Variants in DLG2 observed in about 807,000 individuals in gnomAD.
The protein encoded by DLG2 is discs large MAGUK scaffold protein 2, also known as disks large homolog 2.
Under a neutral mutation model 132.5 loss-of-function variants are expected in DLG2, and 45 were observed. That is an observed-to-expected ratio of 0.34 (90% CI 0.27 to 0.44). DLG2 has a LOEUF of 0.44. Among genes scored for constraint, DLG2 ranks in the 20% least tolerant of loss-of-function variants. The probability of loss-of-function intolerance (pLI) is 1.00; values close to 1 mark genes in which losing one functional copy is unlikely to be tolerated. For synonymous variants in DLG2, 424 were observed against 419.6 expected, an observed-to-expected ratio of 1.01 and a Z score of -0.13; for missense variants, 1,045 against 1,196.9, an observed-to-expected ratio of 0.87 and a Z score of 1.87.
intron 8 of DLG2, among the ~76,000 whole-genome samples, chr11:84,169,455 C>A (rs2095760644): frequency 6.6e-6 from 1 of 152,162 alleles, no homozygotes; most frequent in East Asian, 1.9e-4. Flanking sequence ...TTGTCTTTTT[C>A]TATATATCCA....
intron 3 of DLG2, among the ~76,000 whole-genome samples, chr11:85,543,573 C>A (rs1386489719): frequency 6.6e-6 from 1 of 152,154 alleles, no homozygotes; most frequent in Non-Finnish European, 1.5e-5. Context: ...CTGTCTTCCA[C>A]AATGGTTGAA....
In DLG2 at chr11:85,540,545, A is replaced by G. The variant is rs114232033; in HGVS notation, c.40+58112T>C. Among the ~76,000 whole-genome samples, 857 of 152,250 alleles carry G rather than the reference A, an allele frequency of 5.6e-3. 5 individuals are homozygous for G. The highest frequency in any genetic ancestry group is 0.019 in the African/African-American group (795 of 41,550). On this transcript the variant is annotated intron_variant, in intron 3 of 27. Transcript: ENST00000376104. ...ACTGAGAGCTACTTCCAATCAATAA[A>G]ACTTTGCAGCCATCCTCCAAGCCCA...
At chr11:83,869,408 A>G (rs1314872563) in intron 16 of DLG2, among the ~76,000 whole-genome samples, 1 of 152,182 alleles carries the variant, frequency 6.6e-6, no homozygotes, top group Non-Finnish European at 1.5e-5. Context: ...TGGAAAGGAT[A>G]CCTGAGCTCA....
In DLG2 at chr11:83,555,857, A is replaced by C. The variant is rs547928316; in HGVS notation, c.1941-13999T>G. Among the ~76,000 whole-genome samples the C allele has an allele frequency of 8.9e-4, 135 of 152,324 alleles. 1 individual carries two copies. The South Asian group carries it at 8.9e-3, about 10-fold the overall frequency. ...CTTTTATTGATATCATGACATCTCT[A>C]AACCTGTTTCCAATCTCACAGCCAT... On this transcript the variant is annotated intron_variant, in intron 19 of 27. Coordinates refer to ENST00000376104, the MANE Select transcript of DLG2 (RefSeq NM_001142699.3).
intron 4 of DLG2, among the ~76,000 whole-genome samples, chr11:85,281,598 T>C (rs2078228757): frequency 6.6e-6 from 1 of 152,006 alleles, no homozygotes; most frequent in Non-Finnish European, 1.5e-5. Flanking sequence ...CGGTTTCTAT[T>C]TCGCTCATAG....
At position 83,772,633 on chromosome 11, in the gene DLG2, T is replaced by C. The variant is rs192706628; in HGVS notation, c.1825+14057A>G. ...GAAGGAAGAAAGGAAAGAAGGAAGATCTAATGCTATAAAATTATTTCTGAT... is the reference window on the plus strand; with the variant it reads ...GAAGGAAGAAAGGAAAGAAGGAAGACCTAATGCTATAAAATTATTTCTGAT... On this transcript the variant is annotated intron_variant, in intron 18 of 27. Transcript: ENST00000376104. Among the ~76,000 whole-genome samples, 825 of 151,470 alleles carry C rather than the reference T, an allele frequency of 5.4e-3. 8 individuals carry two copies. Among genetic ancestry groups the C allele is most frequent in the African/African-American group, 0.017 (704 of 41,306 alleles).
At chr11:83,582,823 A>G (rs1163147113) in intron 19 of DLG2, among the ~76,000 whole-genome samples, 1 of 152,280 alleles carries the variant, frequency 6.6e-6, no homozygotes, top group African/African-American at 2.4e-5. Context: ...TTACAGAGAA[A>G]TAATGTATAG....
At chr11:85,251,997 T>C (rs187440751) in intron 4 of DLG2, among the ~76,000 whole-genome samples, 1 of 152,304 alleles carries the variant, frequency 6.6e-6, no homozygotes. Context: ...TGTGCGCTTA[T>C]ATAAGATAAC....
chr11:84,546,835 T>A (rs2154523187), intron 6 of DLG2: 1 of 200,308 alleles, frequency 5.0e-6, no homozygotes, highest in East Asian at 1.2e-4. Context: ...AGACTCCGAC[T>A]TAGACATGAT....
At chr11:83,897,748 AC>A (rs1310764460) in intron 15 of DLG2, among the ~76,000 whole-genome samples, 1 of 152,106 alleles carries the variant, frequency 6.6e-6, no homozygotes, top group East Asian at 1.9e-4. Context: ...AAACAAACAA[AC>A]CCTGTCCTCA....
chr11:84,320,235 T>A (rs1377851608), intron 7 of DLG2, among the ~76,000 whole-genome samples: 1 of 152,182 alleles, frequency 6.6e-6, no homozygotes, highest in African/African-American at 2.4e-5. Flanking sequence ...CATAGAACAA[T>A]CACTAGTTTC....
At chr11:83,730,755 T>C (rs902606728) in intron 18 of DLG2, among the ~76,000 whole-genome samples, 2 of 152,194 alleles carry the variant, frequency 1.3e-5, no homozygotes, top group African/African-American at 2.4e-5. Flanking sequence ...CTCTAAAAAT[T>C]TGCTGTTTCT....
chr11:83,590,108 A>C (rs1289012128), intron 19 of DLG2, among the ~76,000 whole-genome samples: 1 of 137,230 alleles, frequency 7.3e-6, no homozygotes, highest in Non-Finnish European at 1.6e-5. Context: ...AAGGATACCC[A>C]GCAATTGAAC....
At chr11:85,372,626 C>T (rs577734347) in intron 3 of DLG2, among the ~76,000 whole-genome samples, 1 of 152,316 alleles carries the variant, frequency 6.6e-6, no homozygotes, top group South Asian at 2.1e-4. Flanking sequence ...ACATTAATAT[C>T]CATGGCATAA....
chr11:85,612,732 G>A (rs1039230995), intron 2 of DLG2, among the ~76,000 whole-genome samples: 23 of 152,190 alleles, frequency 1.5e-4, no homozygotes, highest in African/African-American at 3.6e-4. Context: ...GTCCATCAGC[G>A]CAGAGCCATA....
chr11:85,478,885 G>GTTA (rs1318276555), intron 3 of DLG2, among the ~76,000 whole-genome samples: 1 of 151,990 alleles, frequency 6.6e-6, no homozygotes, highest in African/African-American at 2.4e-5. Context: ...ATGCCAAATA[G>GTTA]GTTTAAGACC....
At chr11:85,615,846 C>T (rs529605055) in intron 2 of DLG2, among the ~76,000 whole-genome samples, 11 of 151,948 alleles carry the variant, frequency 7.2e-5, no homozygotes, top group African/African-American at 2.2e-4. Flanking sequence ...AAGCTGACCA[C>T]GAAGCTGAAC....
At chr11:84,331,758 T>C (rs1369431154) in intron 7 of DLG2, among the ~76,000 whole-genome samples, 1 of 152,124 alleles carries the variant, frequency 6.6e-6, no homozygotes, top group African/African-American at 2.4e-5. Context: ...CTAAATGAAA[T>C]GTGGTATTAT....
chr11:84,577,733 A>AT (rs761264031), intron 6 of DLG2, among the ~76,000 whole-genome samples: 1 of 152,210 alleles, frequency 6.6e-6, no homozygotes, highest in East Asian at 1.9e-4. Context: ...AGAAAAATCC[A>AT]TTTTTTGAGG....
Sources: gnomAD v4.1 joint callset for allele counts (sites outside exome capture counted in the v4.1 genomes callset) on GRCh38, gnomAD v4.1.1 for gene constraint, MANE v1.5 for transcripts, NCBI Gene and HGNC (gene_info 2026-07-23, HGNC 2026-07-21) for gene names.